The following DCDC1 variants were observed in gnomAD, a reference collection of about 807,000 sequenced individuals.
The protein encoded by DCDC1 is doublecortin domain containing 1.
DCDC1 carries 200 observed loss-of-function variants against 178.3 expected under a neutral mutation model. That is an observed-to-expected ratio of 1.12 (90% CI 1.00 to 1.26). The LOEUF (loss-of-function observed/expected upper bound fraction) is 1.26, where lower values mean the gene tolerates loss of function less well. Among genes scored for constraint, DCDC1 ranks in the 50% most tolerant of loss-of-function variants. DCDC1 has a pLI of 0.00. For missense variants in DCDC1, 1,983 were observed against 1,749.2 expected, an observed-to-expected ratio of 1.13 and a Z score of -2.38; for synonymous variants, 690 against 604.8, an observed-to-expected ratio of 1.14 and a Z score of -2.07.
intron 11 of DCDC1, among the ~76,000 whole-genome samples, chr11:31,118,527 T>C (rs138434093): frequency 1.3e-5 from 2 of 152,186 alleles, no homozygotes; most frequent in African/African-American, 4.8e-5. Flanking sequence ...TAGATGTCAG[T>C]CGGTAATCCA....
chr11:31,062,843 T>A (rs765350151), intron 20 of DCDC1, among the ~76,000 whole-genome samples: 48 of 151,666 alleles, frequency 3.2e-4, no homozygotes, highest in Non-Finnish European at 5.6e-4. Flanking sequence ...ATGTGCACAA[T>A]GTGCAGGTTT....
intron 7 of DCDC1, among the ~76,000 whole-genome samples, chr11:31,272,466 G>A (rs1213865621): frequency 6.6e-6 from 1 of 152,136 alleles, no homozygotes; most frequent in Admixed American, 6.5e-5. Context: ...AGTTTCATCT[G>A]AGACAAAGAA....
chr11:31,203,600 A>G (rs1168071798), intron 9 of DCDC1, among the ~76,000 whole-genome samples: 1 of 152,180 alleles, frequency 6.6e-6, no homozygotes, highest in Non-Finnish European at 1.5e-5. Flanking sequence ...ATGCTGTGGG[A>G]ACATGTTTGG....
intron 21 of DCDC1, among the ~76,000 whole-genome samples, chr11:30,937,370 G>A (rs1433343315): frequency 6.6e-6 from 1 of 151,932 alleles, no homozygotes. Context: ...TTCCTGGTGG[G>A]ACCTACTCAA....
intron 3 of DCDC1, among the ~76,000 whole-genome samples, chr11:31,309,605 A>G (rs1591719464): frequency 1.3e-5 from 2 of 152,320 alleles, no homozygotes; most frequent in East Asian, 3.9e-4. Context: ...GTTTCCAATA[A>G]ATAGTTACTT....
chr11:31,188,978 C>T (rs1272516293), intron 9 of DCDC1, among the ~76,000 whole-genome samples: 1 of 152,162 alleles, frequency 6.6e-6, no homozygotes, highest in Non-Finnish European at 1.5e-5. Flanking sequence ...TGTTCATCCC[C>T]TCCACCATGT....
intron 8 of DCDC1, among the ~76,000 whole-genome samples, chr11:31,254,104 T>C (rs1369975376): frequency 6.6e-6 from 1 of 152,186 alleles, no homozygotes; most frequent in Non-Finnish European, 1.5e-5. Context: ...GTGGAGTCAT[T>C]TGTTACCATA....
chr11:31,245,990 A>C (rs1943531059), intron 8 of DCDC1, among the ~76,000 whole-genome samples: 1 of 151,882 alleles, frequency 6.6e-6, no homozygotes, highest in Non-Finnish European at 1.5e-5. Context: ...AAGCTAATCA[A>C]ATTTGTCTAT....
chr11:31,188,973 A>T (rs1969826649), intron 9 of DCDC1, among the ~76,000 whole-genome samples: 1 of 152,114 alleles, frequency 6.6e-6, no homozygotes, highest in African/African-American at 2.4e-5. Context: ...CCGCTTGTTC[A>T]TCCCCTCCAC....
intron 17 of DCDC1, among the ~76,000 whole-genome samples, chr11:31,079,797 G>T (rs1012830105): frequency 6.6e-6 from 1 of 152,148 alleles, no homozygotes; most frequent in African/African-American, 2.4e-5. Context: ...TTGAATAAAT[G>T]AGGTGGAGGT....
At chr11:30,917,648 C>A (rs1304356715) in intron 25 of DCDC1, among the ~76,000 whole-genome samples, 1 of 152,176 alleles carries the variant, frequency 6.6e-6, no homozygotes, top group Non-Finnish European at 1.5e-5. Context: ...GGATCAGTAG[C>A]CGCCATATAG....
chr11:30,961,746 A>C (rs1590561056), intron 20 of DCDC1, among the ~76,000 whole-genome samples: 1 of 152,036 alleles, frequency 6.6e-6, no homozygotes, highest in East Asian at 1.9e-4. Flanking sequence ...TCCATCTCTG[A>C]AAAAAAGGAA....
rs1478664285 is a variant in DCDC1 at position 31,305,728 on chromosome 11, C to T, written c.641G>A (p.Arg214Gln). 4.3e-6 allele frequency: 7 copies of T among 1,613,622 alleles called. No homozygotes were observed. The Admixed American group carries it at 5.0e-5, about 12-fold the overall frequency. ...EKLNLNMAAR[R>Q]VFLADGKEAL... Reference sequence around the variant, plus strand: ...TTCCTTGCCGTCTGCCAAGAACACTCGTCTTGCGGCCATGTTCAGATTCAG... The same window carrying T: ...TTCCTTGCCGTCTGCCAAGAACACTTGTCTTGCGGCCATGTTCAGATTCAG... Residue 214 changes from arginine to glutamine, a missense_variant, in exon 6 of 39, where the codon CGA becomes CAA. Coordinates refer to ENST00000684477, the MANE Select transcript of DCDC1 (RefSeq NM_001387274.1).
intron 9 of DCDC1, among the ~76,000 whole-genome samples, chr11:31,205,293 G>C (rs1444060906): frequency 5.9e-5 from 9 of 152,162 alleles, no homozygotes. Flanking sequence ...TGAAACAGAG[G>C]CTGTATGGTA....
At chr11:31,090,565 G>T (rs2135659777) in intron 17 of DCDC1, among the ~76,000 whole-genome samples, 1 of 152,292 alleles carries the variant, frequency 6.6e-6, no homozygotes, top group South Asian at 2.1e-4. Flanking sequence ...TTTGTTGTTA[G>T]AGTAAGCAGT....
intron 20 of DCDC1, among the ~76,000 whole-genome samples, chr11:31,007,034 G>A (rs1047245351): frequency 6.6e-6 from 1 of 152,122 alleles, no homozygotes; most frequent in Non-Finnish European, 1.5e-5. Context: ...GCCTGCCATG[G>A]TCAAATGTAG....
intron 3 of DCDC1, among the ~76,000 whole-genome samples, chr11:31,313,298 G>C (rs1948874937): frequency 6.6e-6 from 1 of 152,060 alleles, no homozygotes; most frequent in Admixed American, 6.5e-5. Context: ...TCCTATTAAA[G>C]TTTAACATGA....
chr11:31,228,559 G>T (rs886789170), intron 9 of DCDC1, among the ~76,000 whole-genome samples: 10 of 151,880 alleles, frequency 6.6e-5, no homozygotes, highest in Non-Finnish European at 1.2e-4. Context: ...AATTAATGAA[G>T]CATAAAATCA....
intron 36 of DCDC1, among the ~76,000 whole-genome samples, chr11:30,888,496 T>G (rs2134025237): frequency 6.6e-6 from 1 of 152,302 alleles, no homozygotes; most frequent in South Asian, 2.1e-4. Flanking sequence ...GGCAGGTGGA[T>G]CACCTGAGGT....
Sources: allele counts gnomAD v4.1 joint callset (sites outside exome capture counted in the v4.1 genomes callset), GRCh38; gene constraint gnomAD v4.1.1; transcripts MANE v1.5; gene names NCBI Gene and HGNC (gene_info 2026-07-23, HGNC 2026-07-21).